Variants in ARID1B observed in about 807,000 individuals in gnomAD.
ARID1B encodes the protein AT-rich interactive domain-containing protein 1B.
Under a neutral mutation model 212.3 loss-of-function variants are expected in ARID1B, and 30 were observed. The ratio of observed to expected loss-of-function variants is 0.14; its 90% CI spans 0.11 to 0.19. The LOEUF is 0.19. Ranked by LOEUF, ARID1B falls within the 10% of genes least tolerant of loss-of-function variation. ARID1B has a pLI of 1.00. For synonymous variants in ARID1B, 1,402 were observed against 1,301.7 expected (o/e 1.08, Z -1.66); for missense variants, 2,891 against 3,204.0 (o/e 0.90, Z 2.36).
chr6:156,886,416 C>G (rs760595050), intron 2 of ARID1B, among the ~76,000 whole-genome samples: 9 of 152,146 alleles, frequency 5.9e-5, no homozygotes, highest in Non-Finnish European at 1.0e-4. Context: ...TTACAGGCTT[C>G]CTTCCTCTAT....
intron 2 of ARID1B, among the ~76,000 whole-genome samples, chr6:156,840,130 T>C (rs1190904768): frequency 6.6e-6 from 1 of 152,226 alleles, no homozygotes; most frequent in Non-Finnish European, 1.5e-5. Context: ...AGCTTCTTCC[T>C]TCCCACCGTC....
intron 3 of ARID1B, among the ~76,000 whole-genome samples, chr6:156,910,911 C>G (rs1163731453): frequency 6.6e-6 from 1 of 152,002 alleles, no homozygotes; most frequent in Non-Finnish European, 1.5e-5. Context: ...TCTCCCCACA[C>G]AAAATTTTAA....
At chr6:157,042,705 C>G (rs2128530865) in intron 4 of ARID1B, among the ~76,000 whole-genome samples, 1 of 148,432 alleles carries the variant, frequency 6.7e-6, no homozygotes, top group Middle Eastern at 3.5e-3. Context: ...GTCACCCAGG[C>G]TGGAGTACAG....
chr6:157,171,995 C>T (rs1030692095), intron 9 of ARID1B, among the ~76,000 whole-genome samples: 10 of 152,158 alleles, frequency 6.6e-5, no homozygotes, highest in Non-Finnish European at 1.5e-5. Flanking sequence ...TGGAGAAGCT[C>T]GATGCCACAG....
At chr6:157,030,960 C>T (rs1208036454) in intron 4 of ARID1B, among the ~76,000 whole-genome samples, 1 of 152,124 alleles carries the variant, frequency 6.6e-6, no homozygotes, top group Non-Finnish European at 1.5e-5. Flanking sequence ...GCGATTTCAG[C>T]AAGCCATGTC....
chr6:156,840,137 C>T (rs904905432), intron 2 of ARID1B, among the ~76,000 whole-genome samples: 2 of 152,190 alleles, frequency 1.3e-5, no homozygotes, highest in African/African-American at 2.4e-5. Flanking sequence ...TCCTTCCCAC[C>T]GTCTGGGCCA....
intron 3 of ARID1B, among the ~76,000 whole-genome samples, chr6:156,930,545 C>G (rs1471541396): frequency 1.3e-5 from 2 of 152,130 alleles, no homozygotes; most frequent in Middle Eastern, 3.2e-3. Flanking sequence ...AGAAATTTCA[C>G]TTGTAAAGAT....
chr6:156,946,083 G>C lies in ARID1B; in HGVS notation c.2247+10507G>C, dbSNP rs189336144. Among the ~76,000 whole-genome samples, 14 of 151,850 alleles carry C rather than the reference G, an allele frequency of 9.2e-5. No individual in the cohort carries two copies. In the East Asian group the frequency reaches 2.1e-3, roughly 23 times the overall value. On this transcript the variant is annotated intron_variant, in intron 4 of 19. Transcript: ENST00000636930. ...GTAAAAGAAGAATAATGGGCCAGGC[G>C]TGGTGGCTCATGCCTTTAATCCCAG...
intron 6 of ARID1B, among the ~76,000 whole-genome samples, chr6:157,117,570 A>G (rs915725178): frequency 2.0e-5 from 3 of 152,186 alleles, no homozygotes; most frequent in African/African-American, 7.2e-5. Context: ...CAGGGCCTGC[A>G]TGGCCCTCGG....
In ARID1B at chr6:156,955,079, C is replaced by T. The variant is rs1051937997; in HGVS notation, c.2247+19503C>T. On this transcript the variant is annotated intron_variant, in intron 4 of 19. Coordinates refer to ENST00000636930, the MANE Select transcript of ARID1B (RefSeq NM_001374828.1). The surrounding 1 kb of genome is among the most constrained non-coding windows in gnomAD (Gnocchi z 4.2). ...ATGGGAGCTGCTCTGAAGGATACGT[C>T]TCATCCATCCTGCACCTGAGCTCAA... is the stretch of plus-strand genomic sequence containing the variant. 4.6e-5 allele frequency among the ~76,000 whole-genome samples: 7 copies of T among 152,248 alleles called. No homozygotes were observed. The highest frequency in any genetic ancestry group is 1.7e-4 in the African/African-American group (7 of 41,468).
intron 3 of ARID1B, among the ~76,000 whole-genome samples, chr6:156,910,558 T>C (rs1360525093): frequency 2.0e-5 from 3 of 152,222 alleles, no homozygotes; most frequent in Non-Finnish European, 4.4e-5. Flanking sequence ...TCTCTTGGTT[T>C]CTCTGTTCTC....
intron 1 of ARID1B, among the ~76,000 whole-genome samples, chr6:156,785,143 A>G (rs181141942): frequency 2.0e-5 from 3 of 152,352 alleles, no homozygotes; most frequent in East Asian, 3.9e-4. Flanking sequence ...TTAGAAGGCT[A>G]CTGAGTTTGA....
intron 9 of ARID1B, among the ~76,000 whole-genome samples, chr6:157,171,866 T>TG: frequency 6.6e-6 from 1 of 152,374 alleles, no homozygotes; most frequent in African/African-American, 2.4e-5. Flanking sequence ...GCTTACAAGT[T>TG]GCGTTTGTGT....
rs1554247377 is a variant in ARID1B, at chr6:156,778,292, A to AACAG, written c.612_613insACAG (p.Gln205ThrfsTer111). 1.4e-5 allele frequency: 22 copies of AACAG among 1,518,358 alleles called. No homozygotes were observed. The East Asian group carries it at 4.8e-4, about 33-fold the overall frequency. 94.1% of individuals were successfully genotyped at this position (1,518,358 alleles called of 1,614,324 possible). On this transcript the variant is annotated frameshift_variant, in exon 1 of 20. Transcript: ENST00000636930. LOFTEE classifies it high-confidence loss of function. ...TCCAGCAGCAGCAGCAGCAGCAGCA[A>AACAG]CAGCAGCAGCAGCAGCAGCAGCAAC... is the stretch of plus-strand genomic sequence containing the variant.
At chr6:156,819,934 C>T (rs1158164022) in intron 1 of ARID1B, among the ~76,000 whole-genome samples, 1 of 151,870 alleles carries the variant, frequency 6.6e-6, no homozygotes, top group Admixed American at 6.6e-5. Context: ...GGGAGATTTC[C>T]TGCTGGCAGA....
intron 1 of ARID1B, among the ~76,000 whole-genome samples, chr6:156,822,626 C>T (rs551261829): frequency 2.6e-5 from 4 of 152,200 alleles, no homozygotes; most frequent in Non-Finnish European, 4.4e-5. Flanking sequence ...TTACTTTTGC[C>T]GTAAACGGGT....
Position 156,779,579 on chromosome 6 carries a change from G to GCGGGGGCGC in ARID1B, c.1791+109_1791+117dup. 2.7e-6 allele frequency: 3 copies of GCGGGGGCGC among 1,107,032 alleles called. No homozygotes were observed. The South Asian group carries it at 1.2e-4, about 45-fold the overall frequency. The allele number at this position is 1,107,032 out of a possible 1,614,324, so 68.6% of individuals were successfully genotyped here. A position where few individuals can be genotyped will look rare whatever the true frequency, so the allele number is the denominator to read the frequency against. The stretch of plus-strand genomic sequence containing the variant: ...TTTTCCCCGTCTTCCCGCGGGGGCG[G>GCGGGGGCGC]CGGGGGCGCGGCGCCCAAAGCCATC... On this transcript the variant is annotated intron_variant, in intron 1 of 19. Coordinates refer to ENST00000636930, the MANE Select transcript of ARID1B (RefSeq NM_001374828.1).
At chr6:156,850,555 A>G (rs1784519305) in intron 2 of ARID1B, among the ~76,000 whole-genome samples, 1 of 152,226 alleles carries the variant, frequency 6.6e-6, no homozygotes, top group Non-Finnish European at 1.5e-5. Context: ...CACTGAACGC[A>G]TAGTAATTTT....
chr6:156,846,514 A>G (rs1583152232), intron 2 of ARID1B, among the ~76,000 whole-genome samples: 1 of 151,920 alleles, frequency 6.6e-6, no homozygotes, highest in South Asian at 2.1e-4. Context: ...CACATCTGTA[A>G]CAGCCAGTTC....
Sources: allele counts gnomAD v4.1 joint callset (sites outside exome capture counted in the v4.1 genomes callset), GRCh38; gene constraint gnomAD v4.1.1; non-coding constraint Gnocchi (gnomAD v3.1); transcripts MANE v1.5; gene names NCBI Gene and HGNC (gene_info 2026-07-23, HGNC 2026-07-21).